CNTN6: variants seen among roughly 807,000 people sequenced by gnomAD.
CNTN6 encodes the protein contactin 6.
Under a neutral mutation model 122.8 loss-of-function variants are expected in CNTN6, and 137 were observed. The ratio of observed to expected loss-of-function variants is 1.12; its 90% CI spans 0.97 to 1.29. The LOEUF (loss-of-function observed/expected upper bound fraction) is 1.29, where lower values mean the gene tolerates loss of function less well. CNTN6 is among the 50% of genes most tolerant of loss of function. The pLI is 0.00. For missense variants in CNTN6, 1,634 were observed against 1,223.4 expected (o/e 1.34, Z -5.01); for synonymous variants, 570 against 426.0 (o/e 1.34, Z -4.16).
At chr3:1,369,105 G>A (rs537884445) in intron 12 of CNTN6, among the ~76,000 whole-genome samples, 3 of 152,202 alleles carry the variant, frequency 2.0e-5, no homozygotes, top group South Asian at 4.1e-4. Flanking sequence ...CTCTGTGAAC[G>A]CTCTTGCCTG....
intron 10 of CNTN6, among the ~76,000 whole-genome samples, chr3:1,328,818 A>G (rs959123357): frequency 6.6e-6 from 1 of 151,742 alleles, no homozygotes. Flanking sequence ...GACTGGACAC[A>G]TGGATTCCAA....
At chr3:1,123,273 C>T (rs2125068976) in intron 1 of CNTN6, among the ~76,000 whole-genome samples, 1 of 151,924 alleles carries the variant, frequency 6.6e-6, no homozygotes, top group African/African-American at 2.4e-5. Context: ...GCCTCCTAAT[C>T]CATGAACATA....
chr3:1,385,852 C>A (rs1480020638), intron 20 of CNTN6, 55 bp downstream of exon 20: 1 of 1,438,266 alleles, frequency 7.0e-7, no homozygotes, highest in Non-Finnish European at 9.3e-7. Context: ...GCAACCTATT[C>A]CTTTGCTTGA....
chr3:1,243,729 G>C (rs1350386925), intron 4 of CNTN6, among the ~76,000 whole-genome samples: 1 of 152,218 alleles, frequency 6.6e-6, no homozygotes, highest in Admixed American at 6.5e-5. Flanking sequence ...TTGCTCGGCA[G>C]GTGGGGAAGA....
chr3:1,371,358 A>G (rs1288313605), intron 12 of CNTN6, among the ~76,000 whole-genome samples: 2 of 151,996 alleles, frequency 1.3e-5, no homozygotes, highest in African/African-American at 2.4e-5. Flanking sequence ...TTTTTTTACA[A>G]TAACTTGCCT....
intron 17 of CNTN6, among the ~76,000 whole-genome samples, chr3:1,380,709 C>A (rs1029639881): frequency 4.6e-5 from 7 of 152,162 alleles, no homozygotes; most frequent in Non-Finnish European, 1.0e-4. Context: ...ATACCACTTA[C>A]AAACATATAG....
chr3:1,377,795 T>A (rs989231308), intron 17 of CNTN6, among the ~76,000 whole-genome samples: 1 of 152,170 alleles, frequency 6.6e-6, no homozygotes, highest in East Asian at 1.9e-4. Context: ...TCCAGAGCTG[T>A]AGAAGGTTGG....
intron 2 of CNTN6, among the ~76,000 whole-genome samples, chr3:1,168,154 C>T (rs1340447488): frequency 6.6e-6 from 1 of 151,920 alleles, no homozygotes; most frequent in Non-Finnish European, 1.5e-5. Context: ...GTGATCTGCC[C>T]ACCTCGGCCT....
intron 20 of CNTN6, among the ~76,000 whole-genome samples, chr3:1,391,852 T>C (rs2126226192): frequency 6.6e-6 from 1 of 152,098 alleles, no homozygotes; most frequent in East Asian, 1.9e-4. Flanking sequence ...TTACAAGGGA[T>C]GTGAAGGACC....
At chr3:1,152,353 G>T (rs183780846) in intron 2 of CNTN6, among the ~76,000 whole-genome samples, 95 of 152,120 alleles carry the variant, frequency 6.2e-4, no homozygotes, top group African/African-American at 2.2e-3. Context: ...TGCCCAGGCT[G>T]GTCTCAAACT....
chr3:1,234,061 A>T (rs1230333497), intron 4 of CNTN6, among the ~76,000 whole-genome samples: 1 of 152,152 alleles, frequency 6.6e-6, no homozygotes, highest in African/African-American at 2.4e-5. Flanking sequence ...ATTCATCTTT[A>T]TTCTATACCT....
chr3:1,245,278 C>CATATATATATA (rs1559597056), intron 4 of CNTN6, among the ~76,000 whole-genome samples: 2 of 5,896 alleles, frequency 3.4e-4, no homozygotes, highest in South Asian at 6.9e-3. Flanking sequence ...TATATATACA[C>CATATATATATA]ACACATATAT....
chr3:1,397,305 A>G (rs992826204), intron 20 of CNTN6, among the ~76,000 whole-genome samples: 2 of 152,204 alleles, frequency 1.3e-5, no homozygotes, highest in Non-Finnish European at 2.9e-5. Context: ...GTACATAAGG[A>G]GCATCTATAT....
chr3:1,256,237 T>A (rs899292903), intron 4 of CNTN6, among the ~76,000 whole-genome samples: 27 of 152,142 alleles, frequency 1.8e-4, no homozygotes, highest in African/African-American at 2.4e-4. Flanking sequence ...AATTATAATT[T>A]TCTAAGTTAT....
intron 11 of CNTN6, among the ~76,000 whole-genome samples, chr3:1,337,144 C>A (rs985054052): frequency 3.9e-5 from 6 of 152,136 alleles, no homozygotes. Context: ...TTATTCTTCT[C>A]ATTGCTAAGT....
At chr3:1,366,445 C>T (rs1708232856) in intron 12 of CNTN6, among the ~76,000 whole-genome samples, 4 of 152,092 alleles carry the variant, frequency 2.6e-5, no homozygotes, top group Admixed American at 2.6e-4. Flanking sequence ...CATATGCACT[C>T]TTAGGAAGTG....
intron 5 of CNTN6, among the ~76,000 whole-genome samples, chr3:1,292,031 A>T (rs567548974): frequency 5.9e-5 from 9 of 151,464 alleles, no homozygotes; most frequent in South Asian, 2.1e-4. Context: ...CGTCAAAACA[A>T]TTTTTTTTTG....
intron 20 of CNTN6, among the ~76,000 whole-genome samples, chr3:1,400,362 A>G (rs1322519569): frequency 6.6e-6 from 1 of 152,096 alleles, no homozygotes; most frequent in African/African-American, 2.4e-5. Context: ...CTTTTGGATA[A>G]GTGACTTCCC....
intron 2 of CNTN6, among the ~76,000 whole-genome samples, chr3:1,158,097 G>C (rs372746788): frequency 2.6e-5 from 4 of 152,094 alleles, no homozygotes; most frequent in East Asian, 3.9e-4. Flanking sequence ...TAGTTTTAGA[G>C]GAAGCCCAAA....
Sources: gnomAD v4.1 joint callset for allele counts (sites outside exome capture counted in the v4.1 genomes callset) on GRCh38, gnomAD v4.1.1 for gene constraint, MANE v1.5 for transcripts, NCBI Gene and HGNC (gene_info 2026-07-23, HGNC 2026-07-21) for gene names.